Variants in DAAM1 observed in about 807,000 individuals in gnomAD.
The protein encoded by DAAM1 is dishevelled associated activator of morphogenesis 1.
Under a neutral mutation model 130.0 loss-of-function variants are expected in DAAM1, and 52 were observed. The observed-to-expected ratio is 0.40, with a 90% CI of 0.32 to 0.50. The LOEUF is 0.50. Ranked by LOEUF, DAAM1 falls within the 20% of genes least tolerant of loss-of-function variation. The pLI is 0.61. For missense variants in DAAM1, 1,134 were observed against 1,303.8 expected, an observed-to-expected ratio of 0.87 and a Z score of 2.01; for synonymous variants, 452 against 444.5, an observed-to-expected ratio of 1.02 and a Z score of -0.21.
intron 1 of DAAM1, among the ~76,000 whole-genome samples, chr14:59,207,404 A>T (rs1242569926): frequency 1.3e-5 from 2 of 152,184 alleles, no homozygotes; most frequent in African/African-American, 4.8e-5. Flanking sequence ...AAACTTTTCG[A>T]TTTCAGGACC....
At chr14:59,241,832 A>T (rs990926687) in intron 1 of DAAM1, among the ~76,000 whole-genome samples, 107 of 152,124 alleles carry the variant, frequency 7.0e-4, no homozygotes, top group Non-Finnish European at 1.0e-4. Context: ...CTTTTATACT[A>T]ATCCTAGATC....
intron 2 of DAAM1, among the ~76,000 whole-genome samples, chr14:59,283,193 A>C (rs1471187165): frequency 6.6e-6 from 1 of 152,202 alleles, no homozygotes; most frequent in Non-Finnish European, 1.5e-5. Flanking sequence ...TCTCTCACAC[A>C]AACCAAATGT....
At chr14:59,350,205 C>G (rs1486683086) in intron 17 of DAAM1, among the ~76,000 whole-genome samples, 3 of 152,090 alleles carry the variant, frequency 2.0e-5, no homozygotes, top group African/African-American at 7.2e-5. Flanking sequence ...CACTTCCGTC[C>G]CATTAGGATG....
intron 2 of DAAM1, among the ~76,000 whole-genome samples, chr14:59,274,738 T>C (rs1448975790): frequency 6.6e-6 from 1 of 152,226 alleles, no homozygotes; most frequent in Non-Finnish European, 1.5e-5. Flanking sequence ...AATATTCTCA[T>C]AGTGGTGATA....
intron 2 of DAAM1, among the ~76,000 whole-genome samples, chr14:59,274,242 A>G (rs564931851): frequency 6.6e-6 from 1 of 152,316 alleles, no homozygotes; most frequent in African/African-American, 2.4e-5. Context: ...TACTCAGTGC[A>G]ATATTTAAGA....
rs555785924 is a variant in DAAM1, at chr14:59,368,797, C to T, written c.3145C>T (p.Arg1049Cys). The change falls in exon 25 of 25, where the codon CGT becomes TGT. Residue 1049 changes from arginine (R) to cysteine (C), a missense_variant. Physicochemically the swap from Arg to Cys is radical, Grantham distance 180. This residue lies in a region of DAAM1 where 644 missense variants were observed against 695.9 expected (regional missense o/e 0.93). Transcript: ENST00000360909. ...DLSKLKRNRK[R>C]ITNQMTDSSR... is the part of the protein sequence containing the mutation. ...TTCTAAATTGAAACGGAATCGCAAA[C>T]GTATTACCAACCAGATGACTGACAG... is the stretch of plus-strand genomic sequence containing the variant. 30 of 1,613,934 alleles carry T rather than the reference C, an allele frequency of 1.9e-5. No homozygotes were observed. Among genetic ancestry groups the T allele is most frequent in the East Asian group, 1.8e-4 (8 of 44,868 alleles).
At chr14:59,263,920 T>A in intron 2 of DAAM1, 1 of 509,800 alleles carries the variant, frequency 2.0e-6, no homozygotes, top group Non-Finnish European at 3.6e-6. Context: ...GTTCTTCAAA[T>A]ATGTGGCAGT....
intron 1 of DAAM1, among the ~76,000 whole-genome samples, chr14:59,260,374 C>G (rs1882112649): frequency 6.6e-6 from 1 of 152,150 alleles, no homozygotes; most frequent in African/African-American, 2.4e-5. Context: ...AAGGTAATCT[C>G]TACATTTGTC....
At chr14:59,216,485 C>G (rs1888583366) in intron 1 of DAAM1, among the ~76,000 whole-genome samples, 1 of 152,186 alleles carries the variant, frequency 6.6e-6, no homozygotes, top group Non-Finnish European at 1.5e-5. Context: ...CTTTGGGAGG[C>G]CGAGGCAGGT....
chr14:59,211,987 T>C (rs1888438938), intron 1 of DAAM1, among the ~76,000 whole-genome samples: 1 of 152,230 alleles, frequency 6.6e-6, no homozygotes, highest in South Asian at 2.1e-4. Context: ...GATTTAGCCA[T>C]TCCTCCTTAA....
chr14:59,192,035 A>G (rs1278246716), intron 1 of DAAM1, among the ~76,000 whole-genome samples: 1 of 152,142 alleles, frequency 6.6e-6, no homozygotes, highest in Non-Finnish European at 1.5e-5. Context: ...GTGATAATGA[A>G]GAGGGTGTGG....
intron 12 of DAAM1, among the ~76,000 whole-genome samples, chr14:59,328,072 G>A (rs936630019): frequency 1.3e-5 from 2 of 152,202 alleles, no homozygotes; most frequent in African/African-American, 2.4e-5. Context: ...TTCACTCACA[G>A]CCAATGAAAT....
chr14:59,249,072 C>T (rs1881521611), intron 1 of DAAM1, among the ~76,000 whole-genome samples: 1 of 152,210 alleles, frequency 6.6e-6, no homozygotes, highest in Admixed American at 6.5e-5. Context: ...CAGGCGTGAG[C>T]CACCGCGCCT....
intron 1 of DAAM1, among the ~76,000 whole-genome samples, chr14:59,215,211 T>G (rs568424907): frequency 6.6e-6 from 1 of 152,270 alleles, no homozygotes; most frequent in East Asian, 1.9e-4. Flanking sequence ...TTACCAGGAG[T>G]TTTACTTTCC....
intron 3 of DAAM1, among the ~76,000 whole-genome samples, chr14:59,294,665 G>A (rs1337799080): frequency 6.6e-6 from 1 of 151,972 alleles, no homozygotes; most frequent in Non-Finnish European, 1.5e-5. Context: ...ATCTTTAAAG[G>A]TAATTCCCTT....
chr14:59,218,082 A>G (rs1359500145), intron 1 of DAAM1, among the ~76,000 whole-genome samples: 1 of 152,046 alleles, frequency 6.6e-6, no homozygotes, highest in Non-Finnish European at 1.5e-5. Flanking sequence ...GCAGTGAACT[A>G]TGATTGGGCC....
At chr14:59,294,851 T>A (rs1469105294) in intron 3 of DAAM1, among the ~76,000 whole-genome samples, 1 of 152,188 alleles carries the variant, frequency 6.6e-6, no homozygotes, top group Non-Finnish European at 1.5e-5. Context: ...GTTAACATGA[T>A]TTTTAAATCC....
At chr14:59,327,813 G>T (rs1040955574) in intron 12 of DAAM1, among the ~76,000 whole-genome samples, 1 of 152,124 alleles carries the variant, frequency 6.6e-6, no homozygotes, top group African/African-American at 2.4e-5. Flanking sequence ...TATGTGTTAC[G>T]AAACATTAGC....
At chr14:59,224,591 A>C (rs1228134669) in intron 1 of DAAM1, among the ~76,000 whole-genome samples, 1 of 152,218 alleles carries the variant, frequency 6.6e-6, no homozygotes, top group Non-Finnish European at 1.5e-5. Context: ...TCTGATTTAG[A>C]TGGCATTTAG....
Sources: gnomAD v4.1 joint callset for allele counts (sites outside exome capture counted in the v4.1 genomes callset) on GRCh38, gnomAD v4.1.1 for gene constraint, gnomAD v4.1.1 regional missense constraint, MANE v1.5 for transcripts, NCBI Gene and HGNC (gene_info 2026-07-23, HGNC 2026-07-21) for gene names.